HCN2: variants seen among roughly 807,000 people sequenced by gnomAD.
The protein encoded by HCN2 is potassium/sodium hyperpolarization-activated cyclic nucleotide-gated channel 2.
A neutral mutation model predicts 52.3 loss-of-function variants in HCN2; 20 were observed. That is an observed-to-expected ratio of 0.38 (90% CI 0.27 to 0.56). HCN2 has a LOEUF of 0.56. Ranked by LOEUF, HCN2 falls within the 20% of genes least tolerant of loss-of-function variation. The pLI, the probability that HCN2 is intolerant of heterozygous loss-of-function variation, is 0.71. For synonymous variants in HCN2, 694 were observed against 537.0 expected (o/e 1.29, Z -4.04); for missense variants, 981 against 1,207.7 (o/e 0.81, Z 2.78).
Position 590,130 on chromosome 19 carries a change from C to G in HCN2, c.185C>G (p.Pro62Arg). 1 of 932,976 alleles carries G rather than the reference C, an allele frequency of 1.1e-6. No homozygotes were observed. Among genetic ancestry groups the G allele is most frequent in the South Asian group, 4.7e-5 (1 of 21,156 alleles). The allele number at this position is 932,976 out of a possible 1,614,324, so 57.8% of individuals were successfully genotyped here. A position where few individuals can be genotyped will look rare whatever the true frequency, so the allele number is the denominator to read the frequency against. ...PQHPPRAEAL[P>R]PEAADEGGPR... The stretch of plus-strand genomic sequence containing the variant: ...CACCCGCCCCGGGCCGAGGCGTTGC[C>G]CCCGGAGGCGGCGGATGAGGGCGGC... Residue 62 changes from proline to arginine, a missense_variant, in exon 1 of 8, where the codon CCC becomes CGC. By Grantham distance (103) the Pro-to-Arg change is moderately radical. Around this residue, in one of 6 missense-constraint regions of HCN2, gnomAD observed 215 missense variants for 179.4 expected, o/e 1.20. Transcript: ENST00000251287. The surrounding 1 kb of genome is among the most constrained non-coding windows in gnomAD (Gnocchi z 7.2).
Position 614,063 on chromosome 19 carries a change from G to C in HCN2, c.1990+47G>C, listed in dbSNP as rs1185152587. 3.5e-6 allele frequency: 5 copies of C among 1,409,804 alleles called. 1 individual carries two copies. In the South Asian group the frequency reaches 4.3e-5, roughly 12 times the overall value. 87.3% of individuals were successfully genotyped at this position (1,409,804 alleles called of 1,614,324 possible). On this transcript the variant is annotated intron_variant, in intron 7 of 7. Coordinates refer to ENST00000251287, the MANE Select transcript of HCN2 (RefSeq NM_001194.4). ...CCGGGGCGGGTGCCCTGGCGGGGGA[G>C]GGGCGTGGCCAAGGCATCAGGAGAG... is the stretch of plus-strand genomic sequence containing the variant.
Position 590,117 on chromosome 19 carries a change from G to T in HCN2, c.172G>T (p.Ala58Ser). The change falls in exon 1 of 8, where the codon GCC becomes TCC. Residue 58 changes from alanine to serine, a missense_variant. Transcript: ENST00000251287. The surrounding 1 kb of genome is among the most constrained non-coding windows in gnomAD (Gnocchi z 7.2). ...CGCGCCCCCCCAGCACCCGCCCCGG[G>T]CCGAGGCGTTGCCCCCGGAGGCGGC... ...GPAPPQHPPR[A>S]EALPPEAADE... 1 of 868,682 alleles carries T rather than the reference G, an allele frequency of 1.2e-6. No individual in the cohort carries two copies. Among genetic ancestry groups the T allele is most frequent in the African/African-American group, 1.9e-5 (1 of 53,172 alleles). 53.8% of individuals were successfully genotyped at this position (868,682 alleles called of 1,614,324 possible).
intron 2 of HCN2, among the ~76,000 whole-genome samples, chr19:604,584 C>T (rs1336330976): frequency 1.1e-4 from 6 of 56,446 alleles, no homozygotes; most frequent in East Asian, 4.4e-4. Context: ...TTGTGCTGAG[C>T]GGGGTCAGAC....
chr19:591,642 G>A lies in HCN2; in HGVS notation c.632+1065G>A, dbSNP rs4919865. Among the ~76,000 whole-genome samples the A allele has an allele frequency of 0.26, 40,096 of 151,778 alleles. 5,978 individuals carry two copies. The highest frequency in any genetic ancestry group is 0.63 in the East Asian group (3,216 of 5,072). ...TGTAGGTGGGGCCCGCCGGGCTAGC[G>A]AGGCCGGGCGCGCGGGACGGGCGCG... On this transcript the variant is annotated intron_variant, in intron 1 of 7. Coordinates refer to ENST00000251287, the MANE Select transcript of HCN2 (RefSeq NM_001194.4). The surrounding 1 kb of genome is among the most constrained non-coding windows in gnomAD (Gnocchi z 4.1).
chr19:604,760 T>G (rs1354860732), intron 2 of HCN2, among the ~76,000 whole-genome samples: 30 of 65,516 alleles, frequency 4.6e-4, no homozygotes, highest in African/African-American at 8.8e-4. Flanking sequence ...GCTGGGGCGG[T>G]GTCAGACATC....
intron 2 of HCN2, among the ~76,000 whole-genome samples, chr19:604,738 T>A (rs1983352169): frequency 5.0e-5 from 4 of 80,480 alleles, no homozygotes; most frequent in African/African-American, 2.6e-4. Flanking sequence ...GGGGTGGGGA[T>A]ATGAGGGTTG....
intron 1 of HCN2, among the ~76,000 whole-genome samples, chr19:595,990 G>T (rs1983018946): frequency 6.6e-6 from 1 of 152,190 alleles, no homozygotes; most frequent in Admixed American, 6.5e-5. Context: ...GCTCCAGCAG[G>T]GGCTGAAGAC....
chr19:616,283 C>T lies in HCN2; in HGVS notation c.2479C>T (p.Leu827=), dbSNP rs1983917187. Residue 827 remains leucine, a synonymous_variant, in exon 8 of 8, where the codon CTG becomes TTG. Coordinates refer to ENST00000251287, the MANE Select transcript of HCN2 (RefSeq NM_001194.4). ...SRPLSASQPS[L]PHGAPGPAAS... ...CCCACTGTCCGCCTCGCAGCCCTCG[C>T]TGCCTCACGGCGCCCCCGGCCCCGC... is the stretch of plus-strand genomic sequence containing the variant. 9 of 1,066,142 alleles carry T rather than the reference C, an allele frequency of 8.4e-6. No homozygotes were observed. Among genetic ancestry groups the T allele is most frequent in the Non-Finnish European group, 1.0e-5 (9 of 883,450 alleles). 66.0% of individuals were successfully genotyped at this position (1,066,142 alleles called of 1,614,324 possible).
At chr19:613,616 G>A (rs1983751244) in intron 6 of HCN2, 128 bp downstream of exon 6, 1 of 144,252 alleles carries the variant, frequency 6.9e-6, no homozygotes, top group Non-Finnish European at 1.2e-5. Flanking sequence ...GCCGGGGATG[G>A]GGATGGGGAT....
At chr19:600,012 C>T (rs568347886) in intron 1 of HCN2, among the ~76,000 whole-genome samples, 21 of 152,046 alleles carry the variant, frequency 1.4e-4, no homozygotes, top group Admixed American at 9.2e-4. Context: ...TTTGGCCTAG[C>T]CCCCAGTGTT....
At chr19:610,759 C>G (rs1056602518) in intron 5 of HCN2, among the ~76,000 whole-genome samples, 1 of 152,212 alleles carries the variant, frequency 6.6e-6, no homozygotes, top group Non-Finnish European at 1.5e-5. Context: ...GTTTAACTCC[C>G]AGCTCTGTTC....
At chr19:596,549 T>G (rs1983036665) in intron 1 of HCN2, among the ~76,000 whole-genome samples, 1 of 152,228 alleles carries the variant, frequency 6.6e-6, no homozygotes, top group Admixed American at 6.5e-5. Context: ...GCCTCACTGT[T>G]ACCTGTCGGG....
At chr19:615,437 C>T (rs1983854581) in intron 7 of HCN2, among the ~76,000 whole-genome samples, 1 of 152,168 alleles carries the variant, frequency 6.6e-6, no homozygotes, top group East Asian at 1.9e-4. Flanking sequence ...TGGTGTGAAC[C>T]CGGGAGGTGG....
chr19:616,973 C>G lies in HCN2; in HGVS notation c.*499C>G. 1 of 463,162 alleles carries G rather than the reference C, an allele frequency of 2.2e-6. No individual in the cohort carries two copies. The highest frequency in any genetic ancestry group is 4.0e-6 in the Non-Finnish European group (1 of 252,012). The allele number at this position is 463,162 out of a possible 1,614,324, so 28.7% of individuals were successfully genotyped here. On this transcript the variant is annotated 3_prime_UTR_variant, in exon 8 of 8. Transcript: ENST00000251287. ...CCGGTGACCTCGGGGAGCAGCACCC[C>G]GCCTCCCTCCAGCACTGGCACCGAG...
In HCN2 at chr19:590,072, C is replaced by T. The variant is rs1313194590; in HGVS notation, c.127C>T (p.Pro43Ser). The T allele has an allele frequency of 7.1e-5, 41 of 580,922 alleles. No individual in the cohort carries two copies. Among genetic ancestry groups the T allele is most frequent in the Non-Finnish European group, 8.1e-5 (38 of 469,064 alleles). 36.0% of individuals were successfully genotyped at this position (580,922 alleles called of 1,614,324 possible). A position where few individuals can be genotyped will look rare whatever the true frequency, so the allele number is the denominator to read the frequency against. ...GCCGCCGCCGCCGCCGCCGCCCGCGCCCCCCCCGGGCCCCGGGCCCGCGCC... is the reference window on the plus strand; with the variant it reads ...GCCGCCGCCGCCGCCGCCGCCCGCGTCCCCCCCGGGCCCCGGGCCCGCGCC... ...QQPPPPPPPAPPPGPGPAPPQ... is the reference protein window; with the variant it reads ...QQPPPPPPPASPPGPGPAPPQ... The change falls in exon 1 of 8, where the codon CCC becomes TCC. Residue 43 changes from proline to serine, a missense_variant. This residue lies in a region of HCN2 where 215 missense variants were observed against 179.4 expected (regional missense o/e 1.20). Coordinates refer to ENST00000251287, the MANE Select transcript of HCN2 (RefSeq NM_001194.4). The surrounding 1 kb of genome is among the most constrained non-coding windows in gnomAD (Gnocchi z 7.2).
In HCN2 at chr19:616,041, T is replaced by C. The variant is rs987961872; in HGVS notation, c.2237T>C (p.Leu746Pro). 1.9e-4 allele frequency: 237 copies of C among 1,255,444 alleles called. No homozygotes were observed. The highest frequency in any genetic ancestry group is 2.2e-4 in the Non-Finnish European group (222 of 1,004,380). The allele number at this position is 1,255,444 out of a possible 1,614,324, so 77.8% of individuals were successfully genotyped here. The change falls in exon 8 of 8, where the codon CTC becomes CCC. Residue 746 changes from leucine (L) to proline (P), a missense_variant. Leu to Pro is a moderately conservative substitution (Grantham distance 98). This residue lies in a region of HCN2 where 368 missense variants were observed against 314.8 expected (regional missense o/e 1.17). Transcript: ENST00000251287. ...TTCTGCCCGCAGGTGGCGCGGCCGC[T>C]CGTGGGGCCGCTGGCGCTCGGCTCG... Reference protein sequence around the residue: ...MSFCPQVARPLVGPLALGSPR... With the variant: ...MSFCPQVARPPVGPLALGSPR...
chr19:616,988 C>T lies in HCN2; in HGVS notation c.*514C>T. On this transcript the variant is annotated 3_prime_UTR_variant, in exon 8 of 8. Transcript: ENST00000251287. ...AGCAGCACCCCGCCTCCCTCCAGCA[C>T]TGGCACCGAGAGGCAGGCCTGGCTG... 1.6e-5 allele frequency: 8 copies of T among 491,872 alleles called. No individual in the cohort carries two copies. The South Asian group carries it at 1.6e-4, about 10-fold the overall frequency. 30.5% of individuals were successfully genotyped at this position (491,872 alleles called of 1,614,324 possible).
chr19:604,935 T>TG lies in HCN2; in HGVS notation c.1057-125dup, dbSNP rs1318395265. On this transcript the variant is annotated intron_variant, in intron 2 of 7. Transcript: ENST00000251287. ...GGGCTGCAGGGTGGGGCGGGGGTCC[T>TG]GTGCGGGGCCTTGGATTTGGGGGAG... is the stretch of plus-strand genomic sequence containing the variant. 232 of 947,024 alleles carry TG rather than the reference T, an allele frequency of 2.4e-4. 1 individual carries two copies. Among genetic ancestry groups the TG allele is most frequent in the Admixed American group, 5.8e-4 (18 of 30,776 alleles). 58.7% of individuals were successfully genotyped at this position (947,024 alleles called of 1,614,324 possible).
chr19:604,825 G>A (rs1199357151), intron 2 of HCN2, among the ~76,000 whole-genome samples: 2 of 80,548 alleles, frequency 2.5e-5, no homozygotes, highest in Non-Finnish European at 5.1e-5. Flanking sequence ...CTGTGGATTT[G>A]GGGGGGTCCT....
Sources: allele counts gnomAD v4.1 joint callset (sites outside exome capture counted in the v4.1 genomes callset), GRCh38; gene constraint gnomAD v4.1.1; regional missense constraint gnomAD v4.1.1; non-coding constraint Gnocchi (gnomAD v3.1); transcripts MANE v1.5; gene names NCBI Gene and HGNC (gene_info 2026-07-23, HGNC 2026-07-21).